The following SLC44A5 variants were observed in gnomAD, a reference collection of about 807,000 sequenced individuals.
SLC44A5 encodes the protein choline transporter-like protein 5.
A neutral mutation model predicts 101.8 loss-of-function variants in SLC44A5; 57 were observed. The observed-to-expected ratio is 0.56, with a 90% CI of 0.45 to 0.70. SLC44A5 has a LOEUF of 0.70. Ranked by LOEUF, SLC44A5 falls within the 30% of genes least tolerant of loss-of-function variation. The pLI, the probability that SLC44A5 is intolerant of heterozygous loss-of-function variation, is 0.00. For synonymous variants in SLC44A5, 281 were observed against 290.9 expected, an observed-to-expected ratio of 0.97 and a Z score of 0.35; for missense variants, 737 against 853.1, an observed-to-expected ratio of 0.86 and a Z score of 1.70.
At chr1:75,559,016 C>T (rs936109583) in intron 1 of SLC44A5, among the ~76,000 whole-genome samples, 1 of 151,898 alleles carries the variant, frequency 6.6e-6, no homozygotes, top group African/African-American at 2.4e-5. Context: ...TCACAAGAAG[C>T]CTGTTATCTA....
At chr1:75,388,285 G>C (rs569518472) in intron 3 of SLC44A5, among the ~76,000 whole-genome samples, 2 of 138,926 alleles carry the variant, frequency 1.4e-5, no homozygotes, top group South Asian at 4.5e-4. Context: ...ATTACCACTA[G>C]ACCAGTTTTA....
intron 4 of SLC44A5, among the ~76,000 whole-genome samples, chr1:75,329,568 T>C (rs1412049959): frequency 1.3e-5 from 2 of 152,158 alleles, no homozygotes; most frequent in African/African-American, 4.8e-5. Flanking sequence ...AAATTTTAAG[T>C]TTATTGGGAG....
chr1:75,388,958 C>T (rs1443877188), intron 3 of SLC44A5, among the ~76,000 whole-genome samples: 3 of 151,926 alleles, frequency 2.0e-5, no homozygotes, highest in African/African-American at 7.3e-5. Context: ...AGGCTCATTG[C>T]TCCTGAATGA....
intron 2 of SLC44A5, among the ~76,000 whole-genome samples, chr1:75,416,395 C>T (rs1364716028): frequency 6.6e-6 from 1 of 152,168 alleles, no homozygotes; most frequent in African/African-American, 2.4e-5. Context: ...GCCTAGATTT[C>T]AAAGATGTAT....
chr1:75,476,479 G>C (rs932161660), intron 2 of SLC44A5, among the ~76,000 whole-genome samples: 5 of 152,208 alleles, frequency 3.3e-5, no homozygotes, highest in African/African-American at 1.2e-4. Flanking sequence ...CAAGGGGTCA[G>C]GGAGTTCTCT....
intron 4 of SLC44A5, among the ~76,000 whole-genome samples, chr1:75,323,323 T>C (rs1490449373): frequency 6.6e-6 from 1 of 152,068 alleles, no homozygotes; most frequent in Non-Finnish European, 1.5e-5. Context: ...TGCCACATTT[T>C]CTTAATCCAG....
chr1:75,713,429 C>T, the SLC44A5 span, among the ~76,000 whole-genome samples: 2 of 152,126 alleles, frequency 1.3e-5, no homozygotes, highest in East Asian at 3.9e-4. Context: ...TATATGACTA[C>T]ATATAAGATT....
At chr1:75,608,331 ATG>A (rs113982384) in intron 1 of SLC44A5, among the ~76,000 whole-genome samples, 125 of 147,840 alleles carry the variant, frequency 8.5e-4, no homozygotes, top group Non-Finnish European at 8.3e-4. Context: ...TGTGAGGGGT[ATG>A]TGTGTGTGTG....
At chr1:75,282,921 T>G (rs1370489529) in intron 5 of SLC44A5, among the ~76,000 whole-genome samples, 1 of 152,164 alleles carries the variant, frequency 6.6e-6, no homozygotes, top group Non-Finnish European at 1.5e-5. Context: ...GAGAATGGGC[T>G]AATACACCAT....
At chr1:75,647,475 G>A in the SLC44A5 span, among the ~76,000 whole-genome samples, 4 of 152,286 alleles carry the variant, frequency 2.6e-5, no homozygotes, top group South Asian at 8.3e-4. Flanking sequence ...GCTGTGAGAA[G>A]AAGGCCACCA....
chr1:75,622,471 T>C, the SLC44A5 span, among the ~76,000 whole-genome samples: 1 of 152,002 alleles, frequency 6.6e-6, no homozygotes, highest in Non-Finnish European at 1.5e-5. Context: ...AAGTGTCTGC[T>C]TATTGCAGTT....
intron 4 of SLC44A5, among the ~76,000 whole-genome samples, chr1:75,333,320 C>T (rs1334988303): frequency 6.6e-6 from 1 of 152,058 alleles, no homozygotes; most frequent in African/African-American, 2.4e-5. Context: ...ATTCTTCATT[C>T]GGAATGGAGC....
intron 2 of SLC44A5, among the ~76,000 whole-genome samples, chr1:75,423,943 G>A (rs751515624): frequency 6.6e-6 from 1 of 152,328 alleles, no homozygotes; most frequent in African/African-American, 2.4e-5. Context: ...GTTAGAAAGG[G>A]TGTTGCTTTG....
chr1:75,669,353 C>T, the SLC44A5 span, among the ~76,000 whole-genome samples: 1 of 152,190 alleles, frequency 6.6e-6, no homozygotes, highest in African/African-American at 2.4e-5. Flanking sequence ...TTATGGTCTA[C>T]TCCCTCTACA....
intron 2 of SLC44A5, among the ~76,000 whole-genome samples, chr1:75,412,819 T>G (rs1663368835): frequency 6.6e-6 from 1 of 152,194 alleles, no homozygotes; most frequent in Non-Finnish European, 1.5e-5. Context: ...CCATGCTATC[T>G]ATGCAACCCA....
intron 2 of SLC44A5, among the ~76,000 whole-genome samples, chr1:75,463,313 G>A (rs951225507): frequency 2.0e-5 from 3 of 151,660 alleles, no homozygotes; most frequent in Admixed American, 6.6e-5. Context: ...CCAGCTACTC[G>A]GGAGGCTGAG....
At chr1:75,510,836 C>T (rs1669525422) in intron 2 of SLC44A5, among the ~76,000 whole-genome samples, 1 of 152,104 alleles carries the variant, frequency 6.6e-6, no homozygotes, top group Non-Finnish European at 1.5e-5. Flanking sequence ...ACAACAACAA[C>T]AAAAATAGTT....
intron 14 of SLC44A5, 130 bp downstream of exon 14, chr1:75,222,231 C>T (rs962538029): frequency 3.0e-6 from 2 of 669,574 alleles, no homozygotes; most frequent in Admixed American, 2.4e-5. Flanking sequence ...GCTGGGATTA[C>T]AGGTGTGAAC....
intron 3 of SLC44A5, among the ~76,000 whole-genome samples, chr1:75,394,585 CAG>C (rs1240102260): frequency 2.0e-5 from 3 of 152,066 alleles, no homozygotes; most frequent in Non-Finnish European, 2.9e-5. Flanking sequence ...TTCCCTGTAA[CAG>C]AAGAGGAAGT....
Sources: gnomAD v4.1 joint callset for allele counts (sites outside exome capture counted in the v4.1 genomes callset) on GRCh38, gnomAD v4.1.1 for gene constraint, MANE v1.5 for transcripts, NCBI Gene and HGNC (gene_info 2026-07-23, HGNC 2026-07-21) for gene names.